Variants in PIP5K1C observed in about 807,000 individuals in gnomAD.
PIP5K1C encodes the protein phosphatidylinositol-4-phosphate 5-kinase type 1 gamma, also known as phosphatidylinositol 4-phosphate 5-kinase type-1 gamma.
In PIP5K1C, 45 loss-of-function variants were observed where a neutral mutation model predicts 80.1. The observed-to-expected ratio is 0.56, with a 90% CI of 0.44 to 0.72. PIP5K1C has a LOEUF of 0.72. Among genes scored for constraint, PIP5K1C ranks in the 30% least tolerant of loss-of-function variants. PIP5K1C has a pLI of 0.00. For missense variants in PIP5K1C, 753 were observed against 954.6 expected, an observed-to-expected ratio of 0.79 and a Z score of 2.78; for synonymous variants, 498 against 420.1, an observed-to-expected ratio of 1.19 and a Z score of -2.27.
At chr19:3,684,533 GGA>G (rs1568355836) in intron 1 of PIP5K1C, among the ~76,000 whole-genome samples, 1 of 152,224 alleles carries the variant, frequency 6.6e-6, no homozygotes, top group Non-Finnish European at 1.5e-5. Flanking sequence ...GCAGCAATGC[GGA>G]GAGAGGCCTG....
At chr19:3,646,857 G>A (rs746456280) in intron 10 of PIP5K1C, among the ~76,000 whole-genome samples, 7 of 152,142 alleles carry the variant, frequency 4.6e-5, no homozygotes, top group Non-Finnish European at 8.8e-5. Context: ...CTCTGCGTTT[G>A]TGGAGTGACG....
chr19:3,651,755 G>C (rs925302725), intron 8 of PIP5K1C, 71 bp downstream of exon 8: 4 of 1,454,556 alleles, frequency 2.7e-6, no homozygotes, highest in Non-Finnish European at 3.8e-6. Flanking sequence ...TCACACTTGG[G>C]ACGGGGATGG....
chr19:3,699,232 GA>G (rs1401446085), intron 1 of PIP5K1C, among the ~76,000 whole-genome samples: 1 of 151,552 alleles, frequency 6.6e-6, no homozygotes, highest in Non-Finnish European at 1.5e-5. Flanking sequence ...TGCCCGCAAA[GA>G]AAGGGGCGAG....
intron 1 of PIP5K1C, among the ~76,000 whole-genome samples, chr19:3,695,880 C>T (rs578032642): frequency 2.6e-5 from 4 of 152,226 alleles, no homozygotes; most frequent in African/African-American, 7.2e-5. Context: ...CATACCATTA[C>T]GTCTAGCTAC....
In PIP5K1C at chr19:3,658,568, G is replaced by A. The variant is rs1488598565; in HGVS notation, c.469-2011C>T. Among the ~76,000 whole-genome samples, 6 of 152,342 alleles carry A rather than the reference G, an allele frequency of 3.9e-5. No individual in the cohort carries two copies. The East Asian group carries it at 7.7e-4, about 20-fold the overall frequency. On this transcript the variant is annotated intron_variant, in intron 5 of 17. Transcript: ENST00000335312. The stretch of plus-strand genomic sequence containing the variant: ...AAGGCGGGTCTCTCCTGGGGCTGGC[G>A]CCCTCCCTGGGAGGCCAGGGGACCC...
Position 3,697,006 on chromosome 19 carries a change from G to A in PIP5K1C, c.94+3291C>T, listed in dbSNP as rs1238094765. On this transcript the variant is annotated intron_variant, in intron 1 of 17. Transcript: ENST00000335312. The stretch of plus-strand genomic sequence containing the variant: ...GGACTGAGCTGGACGGAGGAGGATC[G>A]AGCTGGACCGAGGAGGACCGAGCTG... 2.0e-5 allele frequency among the ~76,000 whole-genome samples: 3 copies of A among 151,806 alleles called. No homozygotes were observed. The East Asian group carries it at 5.8e-4, about 29-fold the overall frequency.
intron 1 of PIP5K1C, among the ~76,000 whole-genome samples, chr19:3,699,071 G>A (rs1462306481): frequency 2.0e-5 from 3 of 151,522 alleles, no homozygotes; most frequent in African/African-American, 7.3e-5. Context: ...CTTTTGGTCA[G>A]CGAGTCCTGG....
At chr19:3,662,610 G>A (rs1244691254) in intron 3 of PIP5K1C, among the ~76,000 whole-genome samples, 1 of 152,098 alleles carries the variant, frequency 6.6e-6, no homozygotes, top group Admixed American at 6.6e-5. Flanking sequence ...CTGTCGCCCA[G>A]GCTGGAGTGC....
At chr19:3,695,490 G>A (rs1319997276) in intron 1 of PIP5K1C, among the ~76,000 whole-genome samples, 1 of 152,202 alleles carries the variant, frequency 6.6e-6, no homozygotes, top group Non-Finnish European at 1.5e-5. Context: ...TTTACAGACA[G>A]GTACACCGAG....
rs553483631 is a variant in PIP5K1C, at chr19:3,659,724, G to A, written c.468+1242C>T. Among the ~76,000 whole-genome samples the A allele has an allele frequency of 9.2e-5, 14 of 152,142 alleles. No individual in the cohort carries two copies. The East Asian group carries it at 2.3e-3, about 25-fold the overall frequency. On this transcript the variant is annotated intron_variant, in intron 5 of 17. Transcript: ENST00000335312. ...ACAGGCTGGAGTTCTCGGGGCGGGG[G>A]AGGGGGGGGTGTCACACGTACCCCT...
intron 2 of PIP5K1C, among the ~76,000 whole-genome samples, chr19:3,665,567 T>C (rs895310041): frequency 2.6e-5 from 4 of 151,900 alleles, no homozygotes; most frequent in Non-Finnish European, 5.9e-5. Context: ...CCTGAGGTGG[T>C]GGTGGGAGTC....
intron 1 of PIP5K1C, among the ~76,000 whole-genome samples, chr19:3,679,689 T>C (rs2035526884): frequency 6.6e-6 from 1 of 152,132 alleles, no homozygotes; most frequent in Non-Finnish European, 1.5e-5. Flanking sequence ...ACCTGGGACC[T>C]GGGCTCAGGC....
At chr19:3,651,738 C>A in intron 8 of PIP5K1C, 88 bp downstream of exon 8, 1 of 1,331,998 alleles carries the variant, frequency 7.5e-7, no homozygotes, top group Non-Finnish European at 1.1e-6. Flanking sequence ...GCCCTCCCTG[C>A]CTGTTTTCAC....
chr19:3,652,055 G>A (rs562841229), intron 7 of PIP5K1C, 24 bp from the exon 8 acceptor site: 25 of 1,609,226 alleles, frequency 1.6e-5, no homozygotes, highest in Middle Eastern at 1.7e-4. Flanking sequence ...GCAGGAACAC[G>A]CCACGCCGTC....
At chr19:3,668,855 G>T (rs2145517204) in intron 1 of PIP5K1C, among the ~76,000 whole-genome samples, 2 of 152,300 alleles carry the variant, frequency 1.3e-5, no homozygotes, top group South Asian at 4.1e-4. Context: ...GGAGTTCCAG[G>T]CGGAGGGAAC....
At chr19:3,698,931 C>T (rs897384103) in intron 1 of PIP5K1C, among the ~76,000 whole-genome samples, 11 of 113,866 alleles carry the variant, frequency 9.7e-5, no homozygotes, top group Admixed American at 8.8e-4. Flanking sequence ...CCCTCCCCGG[C>T]CCCCCACCCC....
At chr19:3,640,843 C>T (rs902737770) in intron 15 of PIP5K1C, among the ~76,000 whole-genome samples, 5 of 151,790 alleles carry the variant, frequency 3.3e-5, no homozygotes, top group African/African-American at 4.8e-5. Context: ...TCCACCACCA[C>T]GCCCGGCTAA....
rs111780171 is a variant in PIP5K1C, at chr19:3,651,504, T to C, written c.1127+322A>G. On this transcript the variant is annotated intron_variant, in intron 8 of 17. Coordinates refer to ENST00000335312, the MANE Select transcript of PIP5K1C (RefSeq NM_012398.3). Reference sequence around the variant, plus strand: ...GGCCCCTCTCTGCACGGGTGGCGTGTAGACCCCTCTGAGTGCCACCGGGAA... The same window carrying C: ...GGCCCCTCTCTGCACGGGTGGCGTGCAGACCCCTCTGAGTGCCACCGGGAA... 1.7e-4 allele frequency among the ~76,000 whole-genome samples: 26 copies of C among 152,302 alleles called. 3 individuals are homozygous for C. The highest frequency in any genetic ancestry group is 5.8e-4 in the African/African-American group (24 of 41,566).
Position 3,642,933 on chromosome 19 carries a change from G to A in PIP5K1C, c.1656C>T (p.Arg552=). ...ETSEQPRYRR[R]TQSSGQDGRP... is the part of the protein sequence containing the mutation. ...TGCCATCCTGTCCAGACGACTGTGTGCGCCGCCTGCAGAGATACAGCAAAC... is the reference window on the plus strand; with the variant it reads ...TGCCATCCTGTCCAGACGACTGTGTACGCCGCCTGCAGAGATACAGCAAAC... Residue 552 remains arginine, a synonymous_variant, in exon 14 of 18, where the codon CGC becomes CGT. Coordinates refer to ENST00000335312, the MANE Select transcript of PIP5K1C (RefSeq NM_012398.3). 1 of 1,613,506 alleles carries A rather than the reference G, an allele frequency of 6.2e-7. No individual in the cohort carries two copies. The highest frequency in any genetic ancestry group is 8.5e-7 in the Non-Finnish European group (1 of 1,179,820).
Sources: gnomAD v4.1 joint callset for allele counts (sites outside exome capture counted in the v4.1 genomes callset) on GRCh38, gnomAD v4.1.1 for gene constraint, MANE v1.5 for transcripts, NCBI Gene and HGNC (gene_info 2026-07-23, HGNC 2026-07-21) for gene names.